OGFOD1: variants seen among roughly 807,000 people sequenced by gnomAD.
OGFOD1 encodes prolyl 3-hydroxylase OGFOD1.
In OGFOD1, 54 loss-of-function variants were observed where a neutral mutation model predicts 67.7. The ratio of observed to expected loss-of-function variants is 0.80; its 90% confidence interval spans 0.64 to 1.00. The LOEUF (loss-of-function observed/expected upper bound fraction) is 1.00, where lower values mean the gene tolerates loss of function less well. Ranked by LOEUF, OGFOD1 falls within the 50% of genes least tolerant of loss-of-function variation. The probability of loss-of-function intolerance (pLI) is 0.00; values close to 1 mark genes in which losing one functional copy is unlikely to be tolerated. For synonymous variants in OGFOD1, 221 were observed against 227.0 expected (o/e 0.97, Z 0.24); for missense variants, 606 against 646.7 (o/e 0.94, Z 0.68).
Position 56,451,793 on chromosome 16 carries a change from C to A in OGFOD1, c.154+27C>A, listed in dbSNP as rs760259111. 3 of 1,610,264 alleles carry A rather than the reference C, an allele frequency of 1.9e-6. No individual in the cohort carries two copies. In the African/African-American group the frequency reaches 4.0e-5, roughly 22 times the overall value. ...TAACCGGGTGCTCTCAGGGAGGGGCCGCCACGCAGAGGTCTAGGGATCTCT... is the reference window on the plus strand; with the variant it reads ...TAACCGGGTGCTCTCAGGGAGGGGCAGCCACGCAGAGGTCTAGGGATCTCT... On this transcript the variant is annotated intron_variant, in intron 1 of 12. Coordinates refer to ENST00000566157, the MANE Select transcript of OGFOD1 (RefSeq NM_018233.4).
rs765514599 is a variant in OGFOD1, at chr16:56,459,047, A to G, written c.347+453A>G. ...TTGTAGAACAGTTTCACTTATAAGA[A>G]TTTATCCTGGGGGCTGGGCGTGGTG... On this transcript the variant is annotated intron_variant, in intron 3 of 12. Transcript: ENST00000566157. 7 of 164,188 alleles carry G rather than the reference A, an allele frequency of 4.3e-5. No homozygotes were observed. In the South Asian group the frequency reaches 4.7e-4, roughly 11 times the overall value. The allele number at this position is 164,188 out of a possible 1,614,324, so 10.2% of individuals were successfully genotyped here. A position where few individuals can be genotyped will look rare whatever the true frequency, so the allele number is the denominator to read the frequency against.
At chr16:56,472,212 C>T (rs900337928) in intron 10 of OGFOD1, among the ~76,000 whole-genome samples, 9 of 151,998 alleles carry the variant, frequency 5.9e-5, no homozygotes, top group African/African-American at 1.9e-4. Flanking sequence ...TCAAGTAATC[C>T]TCCTACCTTG....
chr16:56,464,016 A>G (rs981232212), intron 4 of OGFOD1, among the ~76,000 whole-genome samples: 6 of 152,138 alleles, frequency 3.9e-5, no homozygotes, highest in Admixed American at 3.3e-4. Context: ...CCAGTCCAGG[A>G]TTGCATGTTG....
intron 3 of OGFOD1, among the ~76,000 whole-genome samples, chr16:56,461,439 C>G (rs1962707363): frequency 6.6e-6 from 1 of 152,222 alleles, no homozygotes; most frequent in Admixed American, 6.5e-5. Flanking sequence ...GGCTGTTTCT[C>G]AGTTCTGTCC....
At chr16:56,462,442 C>T (rs1200293615) in intron 3 of OGFOD1, 92 bp from the exon 4 acceptor site, 4 of 731,202 alleles carry the variant, frequency 5.5e-6, no homozygotes, top group Middle Eastern at 2.6e-4. Flanking sequence ...AATGTGATCT[C>T]CAGGAAAGAA....
At position 56,470,062 on chromosome 16, in the gene OGFOD1, C is replaced by T. The variant is rs754668583; in HGVS notation, c.960C>T (p.Ser320=). The T allele has an allele frequency of 1.1e-5, 18 of 1,613,912 alleles. No homozygotes were observed. Among genetic ancestry groups the T allele is most frequent in the Non-Finnish European group, 1.5e-5 (18 of 1,179,936 alleles). The change falls in exon 9 of 13, where the codon AGC becomes AGT. Residue 320 remains serine, a synonymous_variant. Transcript: ENST00000566157. ...AGCATGGACATGTGGAATGGAGCAG[C>T]CGAGGTCCCCCTAACAAAAGGTAGA... is the stretch of plus-strand genomic sequence containing the variant. ...ALEHGHVEWS[S]RGPPNKRFYE... is the part of the protein sequence containing the mutation.
Position 56,475,014 on chromosome 16 carries a change from C to T in OGFOD1, c.1408+64C>T, listed in dbSNP as rs184169809. 145 of 1,541,104 alleles carry T rather than the reference C, an allele frequency of 9.4e-5. 1 individual carries two copies. The East Asian group carries it at 2.7e-3, about 29-fold the overall frequency. On this transcript the variant is annotated intron_variant, in intron 11 of 12. Transcript: ENST00000566157. ...AGGAGGGGCAGTCTCTTCTGAGGGACCCTTTCCAGCTGAACCAATTCATAA... is the reference window on the plus strand; with the variant it reads ...AGGAGGGGCAGTCTCTTCTGAGGGATCCTTTCCAGCTGAACCAATTCATAA...
chr16:56,475,377 G>A (rs1963412691), intron 11 of OGFOD1, 130 bp from the exon 12 acceptor site: 1 of 836,654 alleles, frequency 1.2e-6, no homozygotes. Flanking sequence ...AAGCTCATAA[G>A]TCATAGAACC....
rs1418983397 is a variant in OGFOD1 at position 56,476,233 on chromosome 16, G to A, written c.*28G>A. 6.3e-7 allele frequency: 1 copy of A among 1,595,854 alleles called. No homozygotes were observed. Reference sequence around the variant, plus strand: ...GCACTGGGCAAAGCTGAACAAAAATGTGACCCTTCGTAATTACTGGGAAGT... The same window carrying A: ...GCACTGGGCAAAGCTGAACAAAAATATGACCCTTCGTAATTACTGGGAAGT... On this transcript the variant is annotated 3_prime_UTR_variant, in exon 13 of 13. Transcript: ENST00000566157.
Position 56,458,558 on chromosome 16 carries a change from T to A in OGFOD1, c.311T>A (p.Leu104Ter). The A allele has an allele frequency of 6.2e-7, 1 of 1,613,616 alleles. No individual in the cohort carries two copies. The highest frequency in any genetic ancestry group is 2.2e-5 in the East Asian group (1 of 44,874). Residue 104 changes from leucine (L) to a stop codon, truncating the protein, a stop_gained, in exon 3 of 13, where the codon TTG (leucine) becomes TAG (stop). Transcript: ENST00000566157. LOFTEE classifies it high-confidence loss of function. The stretch of plus-strand genomic sequence containing the variant: ...ATTTTCATGATCAAGTCTGATGATT[T>A]GAAGAAGAGAAGAGAGCCTCACATC... The part of the protein sequence containing the change: ...DLYKFQQSDD[L>*]KKRREPHIST...
intron 3 of OGFOD1, among the ~76,000 whole-genome samples, chr16:56,460,427 A>G (rs1418204772): frequency 6.6e-6 from 1 of 152,246 alleles, no homozygotes; most frequent in Non-Finnish European, 1.5e-5. Flanking sequence ...TAATGTTACC[A>G]GTAAAGGATT....
intron 8 of OGFOD1, 129 bp from the exon 9 acceptor site, chr16:56,469,872 AAG>A: frequency 1.0e-5 from 6 of 594,742 alleles, no homozygotes; most frequent in Admixed American, 3.2e-5. Flanking sequence ...AAAAAAAAAA[AAG>A]GAATGAGAGT....
intron 10 of OGFOD1, among the ~76,000 whole-genome samples, chr16:56,471,194 A>C (rs1012796091): frequency 5.0e-5 from 7 of 141,186 alleles, no homozygotes; most frequent in Non-Finnish European, 1.1e-4. Context: ...TCTACTAAAA[A>C]TACAAAAAAA....
rs1962405245 is a variant in OGFOD1 at position 56,453,330 on chromosome 16, C to A, written c.222C>A (p.Asp74Glu). 6.2e-7 allele frequency: 1 copy of A among 1,613,986 alleles called. No homozygotes were observed. Among genetic ancestry groups the A allele is most frequent in the African/African-American group, 1.3e-5 (1 of 74,950 alleles). Reference sequence around the variant, plus strand: ...TCCCAAACTTCATCCAAAGCCAAGACTTCTTAGAAGGGCTTCAGAAGGAAC... The same window carrying A: ...TCCCAAACTTCATCCAAAGCCAAGAATTCTTAGAAGGGCTTCAGAAGGAAC... ...CVIPNFIQSQ[D>E]FLEGLQKELM... The change falls in exon 2 of 13, where the codon GAC becomes GAA. Residue 74 changes from aspartate (D) to glutamate (E), a missense_variant. Physicochemically the swap from Asp to Glu is conservative, Grantham distance 45. Coordinates refer to ENST00000566157, the MANE Select transcript of OGFOD1 (RefSeq NM_018233.4).
In OGFOD1 at chr16:56,476,185, T is replaced by G. The variant is rs746080062; in HGVS notation, c.1609T>G (p.Ser537Ala). 6 of 1,612,004 alleles carry G rather than the reference T, an allele frequency of 3.7e-6. No individual in the cohort carries two copies. The African/African-American group carries it at 5.3e-5, about 14-fold the overall frequency. The change falls in exon 13 of 13, where the codon TCA becomes GCA. Residue 537 changes from serine to alanine, a missense_variant. Physicochemically the swap from Ser to Ala is moderately conservative, Grantham distance 99. Coordinates refer to ENST00000566157, the MANE Select transcript of OGFOD1 (RefSeq NM_018233.4). ...FPNRTGFWDFSFIYYE is the reference protein window; with the variant it reads ...FPNRTGFWDFAFIYYE ...AAACAGAACAGGTTTCTGGGACTTT[T>G]CATTCATCTATTATGAATGACAGCA...
At chr16:56,451,524 C>T, upstream of OGFOD1, 1 of 1,455,008 alleles carries the variant, frequency 6.9e-7, no homozygotes, top group Non-Finnish European at 9.4e-7. Context: ...GGCCGGGAAA[C>T]ACGATAAAGG....
At chr16:56,452,393 T>G (rs539165039) in intron 1 of OGFOD1, among the ~76,000 whole-genome samples, 1 of 152,320 alleles carries the variant, frequency 6.6e-6, no homozygotes, top group Non-Finnish European at 1.5e-5. Context: ...TGTATGAAAA[T>G]AAACGCGCTT....
Position 56,453,402 on chromosome 16 carries a change from C to T in OGFOD1, c.294C>T (p.Phe98=), listed in dbSNP as rs762926187. The T allele has an allele frequency of 1.1e-5, 17 of 1,609,472 alleles. No individual in the cohort carries two copies. Among genetic ancestry groups the T allele is most frequent in the Non-Finnish European group, 1.4e-5 (17 of 1,178,404 alleles). The change falls in exon 2 of 13, where the codon TTC becomes TTT. Residue 98 remains phenylalanine (F), a synonymous_variant. Coordinates refer to ENST00000566157, the MANE Select transcript of OGFOD1 (RefSeq NM_018233.4). Reference sequence around the variant, plus strand: ...AGAAGTATAATGATTTATATAAGTTCCAGCAGGTATTTATTCCCCTGCCAC... The same window carrying T: ...AGAAGTATAATGATTTATATAAGTTTCAGCAGGTATTTATTCCCCTGCCAC... The part of the protein sequence containing the change: ...FHEKYNDLYK[F]QQSDDLKKRR...
At chr16:56,472,283 TTC>T (rs1246670846) in intron 10 of OGFOD1, among the ~76,000 whole-genome samples, 1 of 152,144 alleles carries the variant, frequency 6.6e-6, no homozygotes, top group Non-Finnish European at 1.5e-5. Flanking sequence ...ACTTGTCCAG[TTC>T]TATTCCTTTT....
Sources: gnomAD v4.1 joint callset for allele counts (sites outside exome capture counted in the v4.1 genomes callset) on GRCh38, gnomAD v4.1.1 for gene constraint, MANE v1.5 for transcripts, NCBI Gene and HGNC (gene_info 2026-07-23, HGNC 2026-07-21) for gene names.